The following ITFG1 variants were observed in gnomAD, a reference collection of about 807,000 sequenced individuals.
ITFG1 encodes T-cell immunomodulatory protein.
A neutral mutation model predicts 81.8 loss-of-function variants in ITFG1; 34 were observed. That is an observed-to-expected ratio of 0.42 (90% CI 0.32 to 0.55). The LOEUF is 0.55. Ranked by LOEUF, ITFG1 falls within the 20% of genes least tolerant of loss-of-function variation. The probability of loss-of-function intolerance (pLI) is 0.17; values close to 1 mark genes in which losing one functional copy is unlikely to be tolerated. For synonymous variants in ITFG1, 285 were observed against 270.6 expected (o/e 1.05, Z -0.52); for missense variants, 672 against 755.4 (o/e 0.89, Z 1.29).
intron 6 of ITFG1, among the ~76,000 whole-genome samples, chr16:47,415,851 T>C (rs573408855): frequency 6.6e-6 from 1 of 152,248 alleles, no homozygotes; most frequent in African/African-American, 2.4e-5. Context: ...CCCAGCACTT[T>C]GGGAGGCTGA....
At chr16:47,178,079 G>A (rs1486445136) in intron 14 of ITFG1, among the ~76,000 whole-genome samples, 1 of 152,172 alleles carries the variant, frequency 6.6e-6, no homozygotes, top group Non-Finnish European at 1.5e-5. Flanking sequence ...AGATGTTTTA[G>A]GCTATAGTCA....
intron 5 of ITFG1, among the ~76,000 whole-genome samples, chr16:47,441,548 C>A (rs1173688381): frequency 1.3e-5 from 2 of 152,144 alleles, no homozygotes; most frequent in Non-Finnish European, 1.5e-5. Flanking sequence ...TACACGCAAT[C>A]CAGCATATAA....
At chr16:47,335,348 G>C (rs1286615448) in intron 8 of ITFG1, among the ~76,000 whole-genome samples, 1 of 151,858 alleles carries the variant, frequency 6.6e-6, no homozygotes, top group Non-Finnish European at 1.5e-5. Context: ...GCAAGAGCGA[G>C]ACTCTAAGAA....
chr16:47,348,513 A>G (rs1967895186), intron 8 of ITFG1, among the ~76,000 whole-genome samples: 1 of 152,196 alleles, frequency 6.6e-6, no homozygotes, highest in Admixed American at 6.5e-5. Context: ...TTAGAGAAAA[A>G]AGAATAAAAA....
intron 8 of ITFG1, among the ~76,000 whole-genome samples, chr16:47,336,201 G>T (rs1967701721): frequency 6.6e-6 from 1 of 152,158 alleles, no homozygotes; most frequent in African/African-American, 2.4e-5. Flanking sequence ...GCAGCTCCTG[G>T]ATCTCTCACA....
chr16:47,395,749 A>G (rs1968585361), intron 6 of ITFG1, among the ~76,000 whole-genome samples: 1 of 152,248 alleles, frequency 6.6e-6, no homozygotes, highest in Non-Finnish European at 1.5e-5. Context: ...TTTTAAATGG[A>G]GTTTCTCTTC....
At chr16:47,169,539 C>T (rs527324857) in intron 14 of ITFG1, among the ~76,000 whole-genome samples, 1 of 151,476 alleles carries the variant, frequency 6.6e-6, no homozygotes, top group Non-Finnish European at 1.5e-5. Context: ...TGATCTTGTT[C>T]CCTATAACTT....
intron 10 of ITFG1, among the ~76,000 whole-genome samples, chr16:47,304,085 C>A (rs1967120546): frequency 6.6e-6 from 1 of 152,018 alleles, no homozygotes; most frequent in Non-Finnish European, 1.5e-5. Context: ...AATAAACAAC[C>A]CTTTGGGATT....
At chr16:47,356,572 A>G (rs972675464) in intron 8 of ITFG1, among the ~76,000 whole-genome samples, 1 of 152,206 alleles carries the variant, frequency 6.6e-6, no homozygotes, top group Non-Finnish European at 1.5e-5. Context: ...ATTGCTGTGA[A>G]TAAGTGATAA....
At chr16:47,457,060 A>G (rs1367506374) in intron 2 of ITFG1, among the ~76,000 whole-genome samples, 2 of 152,230 alleles carry the variant, frequency 1.3e-5, no homozygotes, top group African/African-American at 4.8e-5. Context: ...ATACTGTCCC[A>G]GCACTTTGGG....
intron 7 of ITFG1, among the ~76,000 whole-genome samples, chr16:47,368,905 G>A (rs1045120827): frequency 2.6e-5 from 4 of 152,126 alleles, no homozygotes; most frequent in African/African-American, 4.8e-5. Flanking sequence ...AAAAGAATAC[G>A]TTCTGGCCAT....
intron 6 of ITFG1, among the ~76,000 whole-genome samples, chr16:47,382,171 T>C (rs1025824899): frequency 4.6e-5 from 7 of 152,186 alleles, no homozygotes; most frequent in Admixed American, 2.6e-4. Context: ...ACTCAAAACA[T>C]GTCTCCAGGC....
At chr16:47,414,009 C>T (rs1461085862) in intron 6 of ITFG1, among the ~76,000 whole-genome samples, 2 of 151,622 alleles carry the variant, frequency 1.3e-5, no homozygotes, top group East Asian at 4.0e-4. Flanking sequence ...TTAGTAGAGT[C>T]GGGGTTTCAC....
At chr16:47,229,628 A>G (rs1470345687) in intron 13 of ITFG1, among the ~76,000 whole-genome samples, 1 of 152,138 alleles carries the variant, frequency 6.6e-6, no homozygotes, top group African/African-American at 2.4e-5. Context: ...TCCTGAAATA[A>G]AGTAACAGGA....
intron 10 of ITFG1, among the ~76,000 whole-genome samples, chr16:47,270,993 C>G (rs1216521603): frequency 6.6e-6 from 1 of 152,114 alleles, no homozygotes; most frequent in African/African-American, 2.4e-5. Context: ...TTTATAGATG[C>G]ATTTGTATAC....
intron 8 of ITFG1, among the ~76,000 whole-genome samples, chr16:47,326,292 C>G (rs1260955767): frequency 6.6e-6 from 1 of 152,150 alleles, no homozygotes; most frequent in East Asian, 1.9e-4. Flanking sequence ...GCTAAAAACT[C>G]TCAATAAATT....
At chr16:47,166,824 G>A (rs1389987153) in intron 14 of ITFG1, among the ~76,000 whole-genome samples, 1 of 151,726 alleles carries the variant, frequency 6.6e-6, no homozygotes, top group Non-Finnish European at 1.5e-5. Flanking sequence ...ACAGAATACT[G>A]GATCAAAGAG....
intron 10 of ITFG1, among the ~76,000 whole-genome samples, chr16:47,289,220 G>A (rs1383491327): frequency 6.6e-6 from 1 of 152,088 alleles, no homozygotes; most frequent in Non-Finnish European, 1.5e-5. Flanking sequence ...CATGGTAAAT[G>A]CTCTTTCTAA....
At chr16:47,452,594 A>G in intron 4 of ITFG1, 139 bp downstream of exon 4, 1 of 614,534 alleles carries the variant, frequency 1.6e-6, no homozygotes, top group Non-Finnish European at 2.9e-6. Context: ...CTGATGGCAA[A>G]TAAATACAAT....
Sources: gnomAD v4.1 joint callset for allele counts (sites outside exome capture counted in the v4.1 genomes callset) on GRCh38, gnomAD v4.1.1 for gene constraint, MANE v1.5 for transcripts, NCBI Gene and HGNC (gene_info 2026-07-23, HGNC 2026-07-21) for gene names.